The following TCF25 variants were observed in gnomAD, a reference collection of about 807,000 sequenced individuals.
TCF25 encodes ribosome quality control complex subunit TCF25.
Under a neutral mutation model 83.1 loss-of-function variants are expected in TCF25, and 41 were observed. The ratio of observed to expected loss-of-function variants is 0.49; its 90% confidence interval spans 0.38 to 0.64. The LOEUF is 0.64. Among genes scored for constraint, TCF25 ranks in the 30% least tolerant of loss-of-function variants. The pLI, the probability that TCF25 is intolerant of heterozygous loss-of-function variation, is 0.00. For synonymous variants in TCF25, 458 were observed against 365.0 expected, an observed-to-expected ratio of 1.25 and a Z score of -2.90; for missense variants, 979 against 914.5, an observed-to-expected ratio of 1.07 and a Z score of -0.91.
At chr16:89,904,584 CAAAAT>C (rs751580244) in intron 13 of TCF25, 84 of 488,012 alleles carry the variant, frequency 1.7e-4, no homozygotes, top group Non-Finnish European at 3.0e-4. Context: ...TCTCAAAAAA[CAAAAT>C]AAACAAAGAG....
chr16:89,908,416 C>A (rs373588292), intron 16 of TCF25, among the ~76,000 whole-genome samples: 3 of 148,760 alleles, frequency 2.0e-5, no homozygotes, highest in Non-Finnish European at 3.0e-5. Flanking sequence ...CCAGCTCCCA[C>A]CTCCCACCTT....
chr16:89,907,665 C>CA (rs2045008824), intron 16 of TCF25, among the ~76,000 whole-genome samples: 1 of 113,240 alleles, frequency 8.8e-6, no homozygotes, highest in Non-Finnish European at 1.8e-5. Flanking sequence ...GCTCCCAGCT[C>CA]CCTCCTCCCA....
intron 16 of TCF25, 41 bp from the exon 17 acceptor site, chr16:89,910,550 C>T: frequency 1.9e-6 from 3 of 1,606,616 alleles, no homozygotes; most frequent in Non-Finnish European, 2.6e-6. Flanking sequence ...CCACGAGTCT[C>T]AGTTCAGTGT....
chr16:89,874,695 C>T (rs1430089160), intron 1 of TCF25: 2 of 152,300 alleles, frequency 1.3e-5, no homozygotes, highest in African/African-American at 4.8e-5. Flanking sequence ...GTAACTCTGC[C>T]TCTGCGGGCT....
At chr16:89,899,518 G>A (rs557954475) in intron 11 of TCF25, among the ~76,000 whole-genome samples, 1 of 152,286 alleles carries the variant, frequency 6.6e-6, no homozygotes, top group East Asian at 1.9e-4. Context: ...GATCACCTGA[G>A]GTCAGGAGTT....
At chr16:89,900,226 C>T (rs979856056) in intron 11 of TCF25, among the ~76,000 whole-genome samples, 4 of 151,072 alleles carry the variant, frequency 2.6e-5, no homozygotes, top group African/African-American at 7.3e-5. Flanking sequence ...CTCGGAAACT[C>T]GCGTGGCGGG....
chr16:89,879,434 C>T (rs2042446999), intron 1 of TCF25, among the ~76,000 whole-genome samples: 1 of 137,104 alleles, frequency 7.3e-6, no homozygotes. Flanking sequence ...GGCTTCGGGG[C>T]CTGTCACACG....
intron 1 of TCF25, among the ~76,000 whole-genome samples, chr16:89,877,910 T>C (rs1016381421): frequency 3.3e-5 from 5 of 152,172 alleles, no homozygotes; most frequent in Admixed American, 6.5e-5. Context: ...ATAAAACTTA[T>C]CTAAATTGAC....
intron 16 of TCF25, chr16:89,909,400 A>G (rs2045350034): frequency 3.8e-6 from 1 of 260,798 alleles, no homozygotes; most frequent in South Asian, 4.2e-5. Flanking sequence ...AGTCCCAGCT[A>G]CTTGGGAGGC....
At chr16:89,907,476 CCCA>C (rs2044951631) in intron 16 of TCF25, among the ~76,000 whole-genome samples, 154 bp downstream of exon 16, 1 of 132,032 alleles carries the variant, frequency 7.6e-6, no homozygotes. Context: ...CCTCCCACCT[CCCA>C]CCTCCCAGCT....
chr16:89,892,608 TCCTA>T (rs1222229749), intron 6 of TCF25, among the ~76,000 whole-genome samples: 4 of 152,224 alleles, frequency 2.6e-5, no homozygotes, highest in Non-Finnish European at 5.9e-5. Flanking sequence ...CGCAGGTTCT[TCCTA>T]CCATTCTGCC....
chr16:89,898,353 AGCGGGTGTTGACTG>A, intron 9 of TCF25, among the ~76,000 whole-genome samples, 190 bp from the exon 10 acceptor site: 3 of 146,402 alleles, frequency 2.0e-5, no homozygotes, highest in African/African-American at 7.8e-5. Context: ...TGTGGGGTGG[AGCGGGTGTTGACTG>A]GGGCGCTGAG....
At chr16:89,883,774 T>G in intron 2 of TCF25, 1 of 404,048 alleles carries the variant, frequency 2.5e-6, no homozygotes, top group Non-Finnish European at 4.6e-6. Flanking sequence ...GTGTCCCTCC[T>G]AGCCAACCGC....
At chr16:89,887,089 A>G (rs1192344171) in intron 4 of TCF25, among the ~76,000 whole-genome samples, 1 of 151,922 alleles carries the variant, frequency 6.6e-6, no homozygotes, top group Non-Finnish European at 1.5e-5. Flanking sequence ...GCTGGAGTTC[A>G]GTGGTGTGAT....
chr16:89,903,548 G>A (rs1310675086), intron 12 of TCF25, among the ~76,000 whole-genome samples: 23 of 152,234 alleles, frequency 1.5e-4, no homozygotes, highest in Admixed American at 1.5e-3. Flanking sequence ...GCGGACGCCT[G>A]TAATCCCAGC....
At chr16:89,878,433 C>CTTTTTTTT in intron 1 of TCF25, 1 of 862,020 alleles carries the variant, frequency 1.2e-6, no homozygotes, top group Non-Finnish European at 1.6e-6. Flanking sequence ...TAAAAATCAC[C>CTTTTTTTT]ATTTTTTTTT....
chr16:89,883,259 C>T (rs749912059), intron 1 of TCF25, 92 bp from the exon 2 acceptor site: 42 of 1,531,176 alleles, frequency 2.7e-5, no homozygotes, highest in African/African-American at 2.6e-4. Flanking sequence ...GGGTCCCCAA[C>T]GCAAGCCCGT....
At position 89,911,184 on chromosome 16, in the gene TCF25, C is replaced by T. The variant is rs540230862; in HGVS notation, c.1977C>T (p.Asn659=). Residue 659 remains asparagine, a synonymous_variant, in exon 18 of 18, where the codon AAC becomes AAT. Transcript: ENST00000263346. The part of the protein sequence containing the change: ...VRDMMANFHL[N]DLEAPHEDDA... The stretch of plus-strand genomic sequence containing the variant: ...ACATGATGGCCAACTTCCACCTCAA[C>T]GACCTGGAGGCGCCGCACGAGGACG... 2.4e-5 allele frequency: 38 copies of T among 1,612,418 alleles called. No individual in the cohort carries two copies. The highest frequency in any genetic ancestry group is 1.5e-4 in the South Asian group (14 of 91,066).
rs958682188 is a variant in TCF25, at chr16:89,900,953, A to G, written c.1381+159A>G. On this transcript the variant is annotated intron_variant, in intron 12 of 17. Coordinates refer to ENST00000263346, the MANE Select transcript of TCF25 (RefSeq NM_014972.3). ...GCAAACCTGCCCTACCAAACCTGAA[A>G]GAGGGTCGGCTCATCTCGGAACCCG... is the stretch of plus-strand genomic sequence containing the variant. The G allele has an allele frequency of 1.5e-5, 13 of 879,042 alleles. 1 individual carries two copies. Among genetic ancestry groups the G allele is most frequent in the African/African-American group, 1.0e-4 (6 of 59,772 alleles). The allele number at this position is 879,042 out of a possible 1,614,324, so 54.5% of individuals were successfully genotyped here. A position where few individuals can be genotyped will look rare whatever the true frequency, so the allele number is the denominator to read the frequency against.
Sources: gnomAD v4.1 joint callset for allele counts (sites outside exome capture counted in the v4.1 genomes callset) on GRCh38, gnomAD v4.1.1 for gene constraint, MANE v1.5 for transcripts, NCBI Gene and HGNC (gene_info 2026-07-23, HGNC 2026-07-21) for gene names.